Variants in SNX4 observed in about 807,000 individuals in gnomAD.
The protein encoded by SNX4 is sorting nexin-4.
Under a neutral mutation model 70.8 loss-of-function variants are expected in SNX4, and 49 were observed. That is an observed-to-expected ratio of 0.69 (90% CI 0.55 to 0.88). The LOEUF (loss-of-function observed/expected upper bound fraction) is 0.88. Ranked by LOEUF, SNX4 falls within the 40% of genes least tolerant of loss-of-function variation. SNX4 has a pLI of 0.00. For missense variants in SNX4, 528 were observed against 544.8 expected (o/e 0.97, Z 0.31); for synonymous variants, 206 against 183.8 (o/e 1.12, Z -0.98).
intron 1 of SNX4, among the ~76,000 whole-genome samples, chr3:125,506,136 G>A (rs1455136857): frequency 1.3e-5 from 2 of 151,984 alleles, no homozygotes; most frequent in Non-Finnish European, 2.9e-5. Flanking sequence ...GCAACCCCCA[G>A]GGTAGGAGAA....
At position 125,457,355 on chromosome 3, in the gene SNX4, T is replaced by G; in HGVS notation, c.955A>C (p.Arg319=). 1 of 1,613,186 alleles carries G rather than the reference T, an allele frequency of 6.2e-7. No homozygotes were observed. The highest frequency in any genetic ancestry group is 8.5e-7 in the Non-Finnish European group (1 of 1,179,134). ...FYAEALRAVC[R]KHELMQYDLE... ...TCATACTGCATAAGTTCATGTTTCC[T>G]GCACACAGCCCTACAGATGAAAAAA... The change falls in exon 11 of 14, where the codon AGG becomes CGG. Residue 319 remains arginine, a synonymous_variant. Transcript: ENST00000251775.
At chr3:125,479,382 C>T (rs1250597150) in intron 7 of SNX4, among the ~76,000 whole-genome samples, 1 of 151,860 alleles carries the variant, frequency 6.6e-6, no homozygotes, top group Non-Finnish European at 1.5e-5. Context: ...CATGGTGAAA[C>T]CCCATCTCTA....
At chr3:125,458,845 A>G (rs141457918) in intron 10 of SNX4, among the ~76,000 whole-genome samples, 2 of 91,040 alleles carry the variant, frequency 2.2e-5, no homozygotes, top group African/African-American at 4.9e-5. Flanking sequence ...AAAAAAAAAA[A>G]GAAAAGAAAA....
At chr3:125,455,527 A>G (rs1415077550) in intron 11 of SNX4, among the ~76,000 whole-genome samples, 1 of 152,184 alleles carries the variant, frequency 6.6e-6, no homozygotes, top group East Asian at 1.9e-4. Flanking sequence ...TGAAGAAAAC[A>G]CTTTTCCCTT....
intron 1 of SNX4, among the ~76,000 whole-genome samples, chr3:125,518,595 G>A (rs1043249056): frequency 6.6e-6 from 1 of 152,178 alleles, no homozygotes; most frequent in African/African-American, 2.4e-5. Flanking sequence ...CTTTCAGGCC[G>A]GGCACCATGG....
intron 5 of SNX4, among the ~76,000 whole-genome samples, chr3:125,491,380 A>G (rs368641727): frequency 1.2e-4 from 19 of 152,362 alleles, no homozygotes; most frequent in African/African-American, 4.3e-4. Context: ...ACACTAAGAA[A>G]AAAATATTCA....
chr3:125,519,888 C>G (rs894167002), intron 1 of SNX4, 144 bp downstream of exon 1: 4 of 724,826 alleles, frequency 5.5e-6, no homozygotes, highest in Non-Finnish European at 8.2e-6. Context: ...CGGACCCCGC[C>G]TTTCCACCTC....
intron 11 of SNX4, 49 bp from the exon 12 acceptor site, chr3:125,454,004 A>T: frequency 6.8e-7 from 1 of 1,467,752 alleles, no homozygotes; most frequent in Non-Finnish European, 9.4e-7. Flanking sequence ...TGCGGCATAC[A>T]CATACACATA....
At chr3:125,488,374 C>T (rs984074452) in intron 6 of SNX4, among the ~76,000 whole-genome samples, 4 of 151,686 alleles carry the variant, frequency 2.6e-5, no homozygotes, top group Admixed American at 2.6e-4. Context: ...ACTCGGGAGG[C>T]GGAGGCAGGA....
intron 1 of SNX4, among the ~76,000 whole-genome samples, chr3:125,505,186 T>A (rs532330086): frequency 2.8e-4 from 42 of 152,290 alleles, no homozygotes; most frequent in African/African-American, 9.6e-4. Flanking sequence ...GCCAGGCTGG[T>A]CTCAAACTCC....
chr3:125,503,718 T>C lies in SNX4; in HGVS notation c.263+905A>G, dbSNP rs1022938452. Among the ~76,000 whole-genome samples, 9 of 152,176 alleles carry C rather than the reference T, an allele frequency of 5.9e-5. 1 individual carries two copies. Among genetic ancestry groups the C allele is most frequent in the Non-Finnish European group, 1.0e-4 (7 of 68,032 alleles). On this transcript the variant is annotated intron_variant, in intron 2 of 13. Coordinates refer to ENST00000251775, the MANE Select transcript of SNX4 (RefSeq NM_003794.4). ...GAGAACCTGGTATTCTTTTACAGAA[T>C]TGCACAGGGATTCTAAGACCAAGGA... is the stretch of plus-strand genomic sequence containing the variant.
intron 1 of SNX4, among the ~76,000 whole-genome samples, chr3:125,514,561 T>C (rs1935235435): frequency 6.6e-6 from 1 of 152,082 alleles, no homozygotes; most frequent in African/African-American, 2.4e-5. Context: ...CTGGCTAATT[T>C]TCATATTTCT....
At chr3:125,478,365 T>C (rs932415948) in intron 7 of SNX4, among the ~76,000 whole-genome samples, 5 of 151,820 alleles carry the variant, frequency 3.3e-5, no homozygotes, top group Non-Finnish European at 5.9e-5. Flanking sequence ...CCACTGTGCC[T>C]GGCCCCCAAG....
chr3:125,489,314 CA>C, intron 6 of SNX4, 93 bp downstream of exon 6: 1 of 911,668 alleles, frequency 1.1e-6, no homozygotes, highest in Non-Finnish European at 1.7e-6. Flanking sequence ...AACTATTTAG[CA>C]AATAAAGTGC....
In SNX4 at chr3:125,504,715, C is replaced by T; in HGVS notation, c.171G>A (p.Lys57=). Residue 57 remains lysine, a synonymous_variant, in exon 2 of 14, where the codon AAG becomes AAA. Transcript: ENST00000251775. Reference sequence around the variant, plus strand: ...CTGCTTCTGAAACACTGATTTCTATCTTCTTCAACCAAAAATTATTGTGTG... The same window carrying T: ...CTGCTTCTGAAACACTGATTTCTATTTTCTTCAACCAAAAATTATTGTGTG... The part of the protein sequence containing the change: ...TMTHNNFWLK[K]IEISVSEAEK... 1.9e-6 allele frequency: 3 copies of T among 1,613,636 alleles called. No homozygotes were observed. The highest frequency in any genetic ancestry group is 2.5e-6 in the Non-Finnish European group (3 of 1,179,852).
intron 8 of SNX4, among the ~76,000 whole-genome samples, chr3:125,475,053 G>C (rs76121435): frequency 0.048 from 7,329 of 152,058 alleles, 419 homozygotes; most frequent in African/African-American, 0.13. Context: ...TTCTTTTACA[G>C]TTGACCATAT....
At chr3:125,485,797 CTCT>C (rs763522994) in intron 6 of SNX4, among the ~76,000 whole-genome samples, 3 of 152,124 alleles carry the variant, frequency 2.0e-5, no homozygotes, top group South Asian at 2.1e-4. Flanking sequence ...CCCCACCCTC[CTCT>C]TCTTCTAGTT....
chr3:125,457,164 G>A (rs867507038), intron 11 of SNX4, 102 bp downstream of exon 11: 1 of 786,328 alleles, frequency 1.3e-6, no homozygotes, highest in Middle Eastern at 2.3e-4. Flanking sequence ...ATTGTAACTG[G>A]AACTGATTCT....
At chr3:125,493,316 A>T (rs1258902083) in intron 5 of SNX4, among the ~76,000 whole-genome samples, 1 of 152,094 alleles carries the variant, frequency 6.6e-6, no homozygotes, top group African/African-American at 2.4e-5. Flanking sequence ...ATGATGAAAA[A>T]ACTGGTTGCT....
Sources: allele counts gnomAD v4.1 joint callset (sites outside exome capture counted in the v4.1 genomes callset), GRCh38; gene constraint gnomAD v4.1.1; transcripts MANE v1.5; gene names NCBI Gene and HGNC (gene_info 2026-07-23, HGNC 2026-07-21).